The following TMEM132C variants were observed in gnomAD, a reference collection of about 807,000 sequenced individuals.
TMEM132C encodes transmembrane protein 132C, also known as protein phosphatase 1, regulatory subunit 152.
A neutral mutation model predicts 61.4 loss-of-function variants in TMEM132C; 29 were observed. The observed-to-expected ratio is 0.47, with a 90% CI of 0.35 to 0.64. The LOEUF (loss-of-function observed/expected upper bound fraction) is 0.64, where lower values mean the gene tolerates loss of function less well. Among genes scored for constraint, TMEM132C ranks in the 30% least tolerant of loss-of-function variants. The pLI is 0.00. For synonymous variants in TMEM132C, 656 were observed against 633.1 expected, an observed-to-expected ratio of 1.04 and a Z score of -0.54; for missense variants, 1,408 against 1,476.9, an observed-to-expected ratio of 0.95 and a Z score of 0.76.
intron 1 of TMEM132C, among the ~76,000 whole-genome samples, chr12:128,299,304 G>T (rs1437008003): frequency 3.3e-5 from 5 of 152,172 alleles, no homozygotes; most frequent in African/African-American, 1.2e-4. Flanking sequence ...CTGAATCCAT[G>T]TTTGAGTCAA....
At chr12:128,387,051 G>T (rs1289884420) in intron 1 of TMEM132C, among the ~76,000 whole-genome samples, 1 of 149,150 alleles carries the variant, frequency 6.7e-6, no homozygotes, top group Admixed American at 6.8e-5. Flanking sequence ...TAAAGCAGAA[G>T]GATTGCTTGA....
At chr12:128,273,741 T>C (rs112170447) in intron 1 of TMEM132C, among the ~76,000 whole-genome samples, 2,604 of 152,314 alleles carry the variant, frequency 0.017, 57 homozygotes, top group Admixed American at 0.057. Flanking sequence ...AAATACAATT[T>C]TAATTAATCA....
intron 4 of TMEM132C, among the ~76,000 whole-genome samples, chr12:128,664,142 GCA>G (rs530453683): frequency 7.9e-6 from 1 of 127,352 alleles, no homozygotes; most frequent in African/African-American, 3.5e-5. Flanking sequence ...ACTCACACAG[GCA>G]CACACACATG....
intron 2 of TMEM132C, among the ~76,000 whole-genome samples, chr12:128,486,846 T>C (rs983821875): frequency 1.3e-5 from 2 of 151,360 alleles, no homozygotes; most frequent in African/African-American, 4.9e-5. Context: ...AGAATGTGTT[T>C]TTAGATGCTT....
chr12:128,527,188 G>A (rs117805480), intron 2 of TMEM132C, among the ~76,000 whole-genome samples: 2 of 152,172 alleles, frequency 1.3e-5, no homozygotes, highest in African/African-American at 4.8e-5. Flanking sequence ...TGGTCGCTGT[G>A]TCCAGAATTG....
At chr12:128,373,694 G>A (rs1874096441) in intron 1 of TMEM132C, among the ~76,000 whole-genome samples, 1 of 152,214 alleles carries the variant, frequency 6.6e-6, no homozygotes, top group African/African-American at 2.4e-5. Flanking sequence ...GATCTTAGAG[G>A]ATACGAAAGG....
At chr12:128,595,066 C>T (rs551115956) in intron 3 of TMEM132C, among the ~76,000 whole-genome samples, 70 of 152,302 alleles carry the variant, frequency 4.6e-4, no homozygotes, top group African/African-American at 1.5e-3. Flanking sequence ...GGGTCACCGC[C>T]ATCGGTGAAG....
intron 2 of TMEM132C, among the ~76,000 whole-genome samples, chr12:128,445,991 C>T (rs1328598157): frequency 6.6e-6 from 1 of 152,192 alleles, no homozygotes; most frequent in African/African-American, 2.4e-5. Flanking sequence ...ACAACTTCAT[C>T]ATGCGGCATT....
chr12:128,362,578 G>A (rs2135973189), intron 1 of TMEM132C, among the ~76,000 whole-genome samples: 1 of 151,296 alleles, frequency 6.6e-6, no homozygotes. Flanking sequence ...GTTTCAGATT[G>A]CAGATTTTTT....
chr12:128,366,837 AG>A (rs1459071212), intron 1 of TMEM132C, among the ~76,000 whole-genome samples: 1 of 152,118 alleles, frequency 6.6e-6, no homozygotes, highest in Non-Finnish European at 1.5e-5. Flanking sequence ...AGGGAAAGAG[AG>A]TCCTGAGTCG....
chr12:128,304,260 G>A (rs971961911), intron 1 of TMEM132C, among the ~76,000 whole-genome samples: 20 of 151,654 alleles, frequency 1.3e-4, no homozygotes, highest in African/African-American at 3.6e-4. Flanking sequence ...TTCAAAAATG[G>A]CATTTGTGTG....
At chr12:128,622,360 A>AAAAAATATATATAT (rs1277080166) in intron 4 of TMEM132C, among the ~76,000 whole-genome samples, 8 of 30,116 alleles carry the variant, frequency 2.7e-4, no homozygotes, top group African/African-American at 1.3e-3. Context: ...AAAAAAAAAA[A>AAAAAATATATATAT]ATATATATAT....
At chr12:128,402,396 C>T (rs1302764118) in intron 1 of TMEM132C, among the ~76,000 whole-genome samples, 1 of 152,156 alleles carries the variant, frequency 6.6e-6, no homozygotes, top group Non-Finnish European at 1.5e-5. Context: ...TCCCTCCTTC[C>T]ACCCTCCATC....
At chr12:128,639,150 A>ATGATGG (rs373805982) in intron 4 of TMEM132C, among the ~76,000 whole-genome samples, 15,308 of 131,648 alleles carry the variant, frequency 0.12, 1,232 homozygotes, top group African/African-American at 0.22. Context: ...AATGGTGATG[A>ATGATGG]TGATGGTGAT....
intron 1 of TMEM132C, among the ~76,000 whole-genome samples, chr12:128,359,423 T>G (rs1565912026): frequency 6.6e-6 from 1 of 152,170 alleles, no homozygotes. Context: ...CCTCCATGAT[T>G]CAATTATCTC....
chr12:128,695,305 A>G (rs940193338), intron 6 of TMEM132C, among the ~76,000 whole-genome samples: 7 of 152,250 alleles, frequency 4.6e-5, no homozygotes, highest in African/African-American at 1.7e-4. Flanking sequence ...GAATCACTTG[A>G]GGCCATGAGT....
chr12:128,651,881 G>A (rs979216656), intron 4 of TMEM132C, among the ~76,000 whole-genome samples: 1 of 134,472 alleles, frequency 7.4e-6, no homozygotes, highest in African/African-American at 3.0e-5. Context: ...GGAAACCAAG[G>A]GGTCCAATTC....
intron 1 of TMEM132C, among the ~76,000 whole-genome samples, chr12:128,366,221 G>A (rs1374798835): frequency 6.6e-6 from 1 of 152,156 alleles, no homozygotes; most frequent in Non-Finnish European, 1.5e-5. Context: ...ACAGACTCCA[G>A]ACCTCTATGC....
At chr12:128,322,866 A>G (rs1872379779) in intron 1 of TMEM132C, among the ~76,000 whole-genome samples, 1 of 152,230 alleles carries the variant, frequency 6.6e-6, no homozygotes, top group African/African-American at 2.4e-5. Flanking sequence ...GAGGAGAGAT[A>G]TCCATTGAAA....
Sources: allele counts gnomAD v4.1 joint callset (sites outside exome capture counted in the v4.1 genomes callset), GRCh38; gene constraint gnomAD v4.1.1; transcripts MANE v1.5; gene names NCBI Gene and HGNC (gene_info 2026-07-23, HGNC 2026-07-21).